Variants in TCERG1L observed in about 807,000 individuals in gnomAD.
The protein encoded by TCERG1L is transcription elongation regulator 1 like.
In TCERG1L, 37 loss-of-function variants were observed where a neutral mutation model predicts 56.3. The ratio of observed to expected loss-of-function variants is 0.66; its 90% CI spans 0.51 to 0.87. The LOEUF is 0.87. TCERG1L is among the 40% of genes least tolerant of loss of function. TCERG1L has a pLI of 0.00. For missense variants in TCERG1L, 799 were observed against 774.2 expected (o/e 1.03, Z -0.38); for synonymous variants, 324 against 326.3 (o/e 0.99, Z 0.08).
chr10:131,287,677 T>C (rs1846560755), intron 3 of TCERG1L, among the ~76,000 whole-genome samples: 1 of 152,182 alleles, frequency 6.6e-6, no homozygotes, highest in South Asian at 2.1e-4. Flanking sequence ...AGAGCGGGCT[T>C]ACTCAGGGAG....
intron 5 of TCERG1L, among the ~76,000 whole-genome samples, chr10:131,166,413 G>T (rs1187972846): frequency 6.6e-6 from 1 of 152,248 alleles, no homozygotes; most frequent in Non-Finnish European, 1.5e-5. Context: ...ACGCCATTTG[G>T]CAAGCCAGTG....
intron 3 of TCERG1L, among the ~76,000 whole-genome samples, chr10:131,301,304 A>C (rs1009980808): frequency 1.3e-5 from 2 of 152,040 alleles, no homozygotes; most frequent in African/African-American, 4.8e-5. Flanking sequence ...TCACCTCCTC[A>C]ATTTTACTGA....
At position 131,180,837 on chromosome 10, in the gene TCERG1L, T is replaced by TA. The variant is rs60303602; in HGVS notation, c.857-13953dup. 1.2e-3 allele frequency among the ~76,000 whole-genome samples: 184 copies of TA among 150,390 alleles called. 1 individual carries two copies. The highest frequency in any genetic ancestry group is 3.4e-3 in the African/African-American group (141 of 41,078). On this transcript the variant is annotated intron_variant, in intron 4 of 11. Coordinates refer to ENST00000368642, the MANE Select transcript of TCERG1L (RefSeq NM_174937.4). ...ACTTTATCAAATAAGAACGTTTTTG[T>TA]AAAAAAAAAGGGTTCAGTATTAAAG...
Position 131,212,826 on chromosome 10 carries a change from T to A in TCERG1L, c.857-45941A>T, listed in dbSNP as rs575560696. On this transcript the variant is annotated intron_variant, in intron 4 of 11. Coordinates refer to ENST00000368642, the MANE Select transcript of TCERG1L (RefSeq NM_174937.4). ...AGGAAAACAGCCAAGGCATGAATAG[T>A]TTAAAACAGGACTGTGGATGCAGCT... Among the ~76,000 whole-genome samples the A allele has an allele frequency of 2.6e-5, 4 of 152,304 alleles. No homozygotes were observed. In the East Asian group the frequency reaches 5.8e-4, roughly 22 times the overall value.
At chr10:131,169,941 T>TA (rs10717121) in intron 4 of TCERG1L, among the ~76,000 whole-genome samples, 1 of 151,978 alleles carries the variant, frequency 6.6e-6, no homozygotes, top group South Asian at 2.1e-4. Flanking sequence ...GTTGATCTTG[T>TA]AAAAAATCAG....
In TCERG1L at chr10:131,226,693, T is replaced by C. The variant is rs1228002981; in HGVS notation, c.856+33566A>G. Among the ~76,000 whole-genome samples the C allele has an allele frequency of 4.6e-5, 7 of 152,306 alleles. No homozygotes were observed. In the East Asian group the frequency reaches 1.4e-3, roughly 29 times the overall value. ...CAATTGAAAGACATTCAAGGTAAAT[T>C]AGCCACATAGTAAATACATGTAATC... On this transcript the variant is annotated intron_variant, in intron 4 of 11. Transcript: ENST00000368642.
chr10:131,209,795 A>G (rs894722931), intron 4 of TCERG1L, among the ~76,000 whole-genome samples: 4 of 152,216 alleles, frequency 2.6e-5, no homozygotes, highest in Admixed American at 2.6e-4. Flanking sequence ...ATCTAAATAA[A>G]TATAGCTATT....
At chr10:131,274,937 G>A (rs566333134) in intron 3 of TCERG1L, among the ~76,000 whole-genome samples, 1 of 152,294 alleles carries the variant, frequency 6.6e-6, no homozygotes, top group Non-Finnish European at 1.5e-5. Context: ...ATCTCAGAAT[G>A]GAGCCTAAGG....
At chr10:131,175,563 T>C (rs1169470964) in intron 4 of TCERG1L, among the ~76,000 whole-genome samples, 1 of 152,230 alleles carries the variant, frequency 6.6e-6, no homozygotes, top group Non-Finnish European at 1.5e-5. Context: ...CTGACCTCAA[T>C]ACACGTGTGT....
At chr10:131,234,638 C>T (rs1290543841) in intron 4 of TCERG1L, among the ~76,000 whole-genome samples, 1 of 152,126 alleles carries the variant, frequency 6.6e-6, no homozygotes, top group African/African-American at 2.4e-5. Context: ...TGGAAGAAGT[C>T]GTTGAGAAGC....
At chr10:131,288,485 C>T (rs1034826716) in intron 3 of TCERG1L, among the ~76,000 whole-genome samples, 5 of 152,138 alleles carry the variant, frequency 3.3e-5, no homozygotes, top group African/African-American at 9.7e-5. Flanking sequence ...GTGGGATACC[C>T]GCTGTGCCGG....
At chr10:131,266,869 T>G (rs979593633) in intron 3 of TCERG1L, among the ~76,000 whole-genome samples, 4 of 152,172 alleles carry the variant, frequency 2.6e-5, no homozygotes, top group Admixed American at 2.6e-4. Context: ...GGCACCTCTC[T>G]GTCCTCTGCT....
intron 3 of TCERG1L, among the ~76,000 whole-genome samples, chr10:131,292,409 C>A (rs1001302901): frequency 1.3e-5 from 2 of 152,192 alleles, no homozygotes; most frequent in Non-Finnish European, 2.9e-5. Flanking sequence ...CTACTGGATT[C>A]TTACAGATGT....
intron 3 of TCERG1L, among the ~76,000 whole-genome samples, chr10:131,283,499 C>T (rs1473965966): frequency 2.0e-5 from 3 of 151,832 alleles, no homozygotes; most frequent in African/African-American, 4.8e-5. Context: ...TAAAGAACAC[C>T]GGATAAAGGA....
At chr10:131,176,260 G>A (rs527914905) in intron 4 of TCERG1L, among the ~76,000 whole-genome samples, 1 of 146,912 alleles carries the variant, frequency 6.8e-6, no homozygotes, top group East Asian at 2.0e-4. Context: ...AGAGACGGAT[G>A]CACACACAGA....
intron 8 of TCERG1L, among the ~76,000 whole-genome samples, chr10:131,132,114 C>T (rs1413205223): frequency 1.3e-5 from 2 of 152,064 alleles, no homozygotes; most frequent in Admixed American, 6.5e-5. Context: ...GAAAACCTGC[C>T]CTATGGTGAA....
chr10:131,095,794 C>T (rs1280409224), intron 11 of TCERG1L: 2 of 150,736 alleles, frequency 1.3e-5, no homozygotes, highest in Non-Finnish European at 3.0e-5. Context: ...AATTAACTCT[C>T]ATTTTAAAAA....
At chr10:131,280,565 A>G (rs560958389) in intron 3 of TCERG1L, among the ~76,000 whole-genome samples, 1 of 152,244 alleles carries the variant, frequency 6.6e-6, no homozygotes, top group South Asian at 2.1e-4. Flanking sequence ...GATTTTGAAT[A>G]GAATGGGACG....
rs76613821 is a variant in TCERG1L, at chr10:131,202,300, C to T, written c.857-35415G>A. On this transcript the variant is annotated intron_variant, in intron 4 of 11. Coordinates refer to ENST00000368642, the MANE Select transcript of TCERG1L (RefSeq NM_174937.4). ...AAAGCTGGTAAGGCCGGAACTTTTTCGCCGGGCGCGGTGGTTCATGCCTGT... is the reference window on the plus strand; with the variant it reads ...AAAGCTGGTAAGGCCGGAACTTTTTTGCCGGGCGCGGTGGTTCATGCCTGT... 3.4e-3 allele frequency among the ~76,000 whole-genome samples: 525 copies of T among 152,270 alleles called. 10 individuals are homozygous for T. The East Asian group carries it at 0.068, about 20-fold the overall frequency.
Sources: gnomAD v4.1 joint callset for allele counts (sites outside exome capture counted in the v4.1 genomes callset) on GRCh38, gnomAD v4.1.1 for gene constraint, MANE v1.5 for transcripts, NCBI Gene and HGNC (gene_info 2026-07-23, HGNC 2026-07-21) for gene names.